The following STARD13 variants were observed in gnomAD, a reference collection of about 807,000 sequenced individuals.
STARD13 encodes the protein stAR-related lipid transfer protein 13.
STARD13 carries 62 observed loss-of-function variants against 106.4 expected under a neutral mutation model. The ratio of observed to expected loss-of-function variants is 0.58; its 90% confidence interval spans 0.48 to 0.72. STARD13 has a LOEUF of 0.72. Among genes scored for constraint, STARD13 ranks in the 30% least tolerant of loss-of-function variants. STARD13 has a pLI of 0.00. For synonymous variants in STARD13, 565 were observed against 553.0 expected (o/e 1.02, Z -0.31); for missense variants, 1,387 against 1,424.0 (o/e 0.97, Z 0.42).
the STARD13 span, among the ~76,000 whole-genome samples, chr13:33,373,051 T>A: frequency 2.0e-5 from 3 of 152,162 alleles, no homozygotes; most frequent in African/African-American, 7.2e-5. Flanking sequence ...TGACTTTTAT[T>A]ATGCTACAAG....
At chr13:33,115,920 C>T (rs919737090) in intron 8 of STARD13, among the ~76,000 whole-genome samples, 2 of 152,120 alleles carry the variant, frequency 1.3e-5, no homozygotes, top group East Asian at 1.9e-4. Context: ...CACTGAGCTG[C>T]GGGATACCCA....
chr13:33,402,203 A>G, the STARD13 span, among the ~76,000 whole-genome samples: 1 of 152,236 alleles, frequency 6.6e-6, no homozygotes, highest in African/African-American at 2.4e-5. Context: ...GATATTTTGC[A>G]CACAGAAGGT....
chr13:33,358,883 C>G, the STARD13 span, among the ~76,000 whole-genome samples: 63 of 152,242 alleles, frequency 4.1e-4, 1 homozygote, highest in African/African-American at 1.5e-3. Flanking sequence ...ATGCACCAAT[C>G]GACACTCTGT....
the STARD13 span, among the ~76,000 whole-genome samples, chr13:33,362,651 G>T: frequency 9.8e-5 from 14 of 143,456 alleles, no homozygotes; most frequent in African/African-American, 4.2e-4. Flanking sequence ...CCACAACAAA[G>T]GTTGTTGAAT....
At chr13:33,135,988 G>A (rs1423762613) in intron 4 of STARD13, among the ~76,000 whole-genome samples, 7 of 152,100 alleles carry the variant, frequency 4.6e-5, no homozygotes, top group African/African-American at 1.7e-4. Flanking sequence ...CTGGTATGGT[G>A]GTGCATGCCT....
rs112890353 is a variant in STARD13 at position 33,300,590 on chromosome 13, G to A, written c.124+49700C>T. Reference sequence around the variant, plus strand: ...TGAGTGAAATAAATGCTTACTTTACGTGAAATGCTTATTTTAAAGCTATGC... The same window carrying A: ...TGAGTGAAATAAATGCTTACTTTACATGAAATGCTTATTTTAAAGCTATGC... On this transcript the variant is annotated intron_variant, in intron 1 of 5. Coordinates refer to the STARD13 transcript ENST00000567873. 4.7e-3 allele frequency among the ~76,000 whole-genome samples: 710 copies of A among 152,220 alleles called. 3 individuals carry two copies. Among genetic ancestry groups the A allele is most frequent in the Non-Finnish European group, 7.5e-3 (507 of 68,014 alleles).
the STARD13 span, among the ~76,000 whole-genome samples, chr13:33,397,765 C>G: frequency 6.6e-6 from 1 of 152,168 alleles, no homozygotes. Flanking sequence ...TTACAAATAA[C>G]AGAAATGCAT....
the STARD13 span, among the ~76,000 whole-genome samples, chr13:33,666,285 T>C: frequency 6.6e-6 from 1 of 150,954 alleles, no homozygotes; most frequent in African/African-American, 2.4e-5. Context: ...CTGGAAATAA[T>C]TTTTTTTGTT....
chr13:33,593,390 G>T, the STARD13 span, among the ~76,000 whole-genome samples: 1 of 152,032 alleles, frequency 6.6e-6, no homozygotes, highest in Admixed American at 6.5e-5. Flanking sequence ...TCACCATGTT[G>T]TCCAGGCTGG....
chr13:33,465,195 CTTCTTCTTTTTTTTTT>C, the STARD13 span, among the ~76,000 whole-genome samples: 1 of 113,406 alleles, frequency 8.8e-6, no homozygotes, highest in Non-Finnish European at 2.0e-5. Context: ...CTTAATTGGT[CTTCTTCTTTTTTTTTT>C]TTTTTTTTTT....
Position 33,341,804 on chromosome 13 carries a change from T to G in STARD13, c.124+8486A>C, listed in dbSNP as rs548235589. Among the ~76,000 whole-genome samples, 8 of 152,142 alleles carry G rather than the reference T, an allele frequency of 5.3e-5. No individual in the cohort carries two copies. The East Asian group carries it at 1.6e-3, about 30-fold the overall frequency. On this transcript the variant is annotated intron_variant, in intron 1 of 5. Transcript: ENST00000567873. ...CACCCTTTACAAATGCAAACTTTTTTTTTTTTTGAGATGGAAGCTCTGTGG... is the reference window on the plus strand; with the variant it reads ...CACCCTTTACAAATGCAAACTTTTTGTTTTTTTGAGATGGAAGCTCTGTGG...
chr13:33,532,184 C>A, the STARD13 span, among the ~76,000 whole-genome samples: 1 of 152,082 alleles, frequency 6.6e-6, no homozygotes, highest in African/African-American at 2.4e-5. Context: ...CTTTTTGCTA[C>A]AAAGTAAGTT....
At chr13:33,548,054 T>G in the STARD13 span, among the ~76,000 whole-genome samples, 1 of 152,216 alleles carries the variant, frequency 6.6e-6, no homozygotes, top group Non-Finnish European at 1.5e-5. Flanking sequence ...AAACCTGCTT[T>G]TCCTATCAGG....
the STARD13 span, among the ~76,000 whole-genome samples, chr13:33,379,959 C>G: frequency 4.6e-5 from 7 of 152,244 alleles, no homozygotes; most frequent in South Asian, 1.5e-3. Flanking sequence ...TCCCTGCACT[C>G]AAGGACAATG....
At chr13:33,408,631 A>G in the STARD13 span, among the ~76,000 whole-genome samples, 1 of 152,138 alleles carries the variant, frequency 6.6e-6, no homozygotes, top group African/African-American at 2.4e-5. Context: ...AAGGTACAAC[A>G]ATGTATATCC....
the STARD13 span, among the ~76,000 whole-genome samples, chr13:33,621,605 G>A: frequency 2.7e-5 from 4 of 148,086 alleles, no homozygotes; most frequent in African/African-American, 7.5e-5. Flanking sequence ...GCGTGAACCC[G>A]GGAGGCAGAG....
chr13:33,555,381 G>T, the STARD13 span, among the ~76,000 whole-genome samples: 1 of 152,230 alleles, frequency 6.6e-6, no homozygotes, highest in Non-Finnish European at 1.5e-5. Flanking sequence ...GAGCTAAAAT[G>T]CTCCAACTGT....
At chr13:33,656,936 T>A in the STARD13 span, 1 of 152,218 alleles carries the variant, frequency 6.6e-6, no homozygotes, top group Non-Finnish European at 1.5e-5. Flanking sequence ...GTAGGACATG[T>A]CCACCACTGG....
chr13:33,127,352 C>T (rs745308937), intron 6 of STARD13, 21 bp downstream of exon 6: 35 of 1,548,832 alleles, frequency 2.3e-5, no homozygotes, highest in Non-Finnish European at 2.8e-5. Context: ...GGATCCCCTC[C>T]TAGGTGAATG....
Sources: gnomAD v4.1 joint callset for allele counts (sites outside exome capture counted in the v4.1 genomes callset) on GRCh38, gnomAD v4.1.1 for gene constraint, MANE v1.5 for transcripts, NCBI Gene and HGNC (gene_info 2026-07-23, HGNC 2026-07-21) for gene names.